RBL2: variants seen among roughly 807,000 people sequenced by gnomAD.
The protein encoded by RBL2 is RB transcriptional corepressor like 2, also known as retinoblastoma-like protein 2.
RBL2 carries 56 observed loss-of-function variants against 126.0 expected under a neutral mutation model. The ratio of observed to expected loss-of-function variants is 0.44; its 90% CI spans 0.36 to 0.56. The LOEUF (loss-of-function observed/expected upper bound fraction) is 0.56, where lower values mean the gene tolerates loss of function less well. Among genes scored for constraint, RBL2 ranks in the 20% least tolerant of loss-of-function variants. The pLI is 0.00. For synonymous variants in RBL2, 454 were observed against 478.5 expected (o/e 0.95, Z 0.67); for missense variants, 1,229 against 1,398.2 (o/e 0.88, Z 1.93).
intron 21 of RBL2, chr16:53,488,136 A>G (rs1961248194): frequency 6.6e-6 from 1 of 152,232 alleles, no homozygotes; most frequent in Non-Finnish European, 1.5e-5. Context: ...TAATTGCCAA[A>G]AAGTGGGAAA....
At position 53,434,479 on chromosome 16, in the gene RBL2, G is replaced by A; in HGVS notation, c.-78G>A. The A allele has an allele frequency of 1.5e-6, 2 of 1,303,980 alleles. No homozygotes were observed. The highest frequency in any genetic ancestry group is 4.2e-5 in the Admixed American group (1 of 24,072). 80.8% of individuals were successfully genotyped at this position (1,303,980 alleles called of 1,614,324 possible). ...GCAGGCGCGGTGCGGGCGGCGGACGGGCGGGCGCTTCGCCGTTTGAATGGC... is the reference window on the plus strand; with the variant it reads ...GCAGGCGCGGTGCGGGCGGCGGACGAGCGGGCGCTTCGCCGTTTGAATGGC... On this transcript the variant is annotated 5_prime_UTR_variant, in exon 1 of 22. Transcript: ENST00000262133.
intron 1 of RBL2, among the ~76,000 whole-genome samples, chr16:53,437,281 GAT>G (rs945452653): frequency 6.7e-6 from 1 of 149,848 alleles, no homozygotes; most frequent in Non-Finnish European, 1.5e-5. Context: ...ATCTCCCAGA[GAT>G]ATATGTGATA....
chr16:53,465,762 A>G (rs1174790707), intron 13 of RBL2, 160 bp downstream of exon 13: 1 of 516,452 alleles, frequency 1.9e-6, no homozygotes, highest in Non-Finnish European at 3.1e-6. Context: ...CTACCCACAA[A>G]TTGGGAAGGT....
intron 21 of RBL2, among the ~76,000 whole-genome samples, chr16:53,486,827 CAAAG>C (rs954375979): frequency 1.1e-4 from 16 of 152,064 alleles, no homozygotes; most frequent in African/African-American, 3.9e-4. Flanking sequence ...AGGAAAATCA[CAAAG>C]AATCCACAAA....
chr16:53,482,997 T>C (rs1177219155), intron 21 of RBL2, among the ~76,000 whole-genome samples: 2 of 152,136 alleles, frequency 1.3e-5, no homozygotes, highest in Admixed American at 1.3e-4. Context: ...AAAGGACATT[T>C]TGAGGAAAAT....
chr16:53,440,871 A>G (rs2058008066), intron 2 of RBL2, among the ~76,000 whole-genome samples: 2 of 150,022 alleles, frequency 1.3e-5, no homozygotes, highest in Admixed American at 6.7e-5. Context: ...TATTCTTATC[A>G]TTGGGAAAAT....
rs1438449525 is a variant in RBL2 at position 53,439,921 on chromosome 16, T to C, written c.371+775T>C. Among the ~76,000 whole-genome samples the C allele has an allele frequency of 3.8e-5, 5 of 129,966 alleles. No homozygotes were observed. The East Asian group carries it at 1.2e-3, about 30-fold the overall frequency. 85.3% of individuals were successfully genotyped at this position (129,966 alleles called of 152,430 possible). A position where few individuals can be genotyped will look rare whatever the true frequency, so the allele number is the denominator to read the frequency against. ...CCTGAATGATGGAGCAGCACTGCAC[T>C]CCAGCCTGGGCCACAGAGCAAGACC... is the stretch of plus-strand genomic sequence containing the variant. On this transcript the variant is annotated intron_variant, in intron 2 of 21. Transcript: ENST00000262133.
intron 21 of RBL2, among the ~76,000 whole-genome samples, chr16:53,483,683 G>C (rs1229775973): frequency 6.6e-6 from 1 of 152,158 alleles, no homozygotes; most frequent in African/African-American, 2.4e-5. Context: ...CTGAGGTCAG[G>C]AGTTCAAGAT....
chr16:53,460,223 G>A (rs1423376196), intron 9 of RBL2, among the ~76,000 whole-genome samples: 1 of 152,114 alleles, frequency 6.6e-6, no homozygotes, highest in Admixed American at 6.5e-5. Context: ...TTGGCAAGTT[G>A]ATTTGAAAAG....
In RBL2 at chr16:53,454,661, C is replaced by T; in HGVS notation, c.998C>T (p.Ala333Val). ...EPGNFGESFK[A>V]INKAYEEYVL... Reference sequence around the variant, plus strand: ...TGTATTTGTTTTTCCTATAGTAAAGCCATCAATAAGGCCTATGAGGAGTAT... The same window carrying T: ...TGTATTTGTTTTTCCTATAGTAAAGTCATCAATAAGGCCTATGAGGAGTAT... The change falls in exon 8 of 22, where the codon GCC becomes GTC. Residue 333 changes from alanine (A) to valine (V), a missense_variant. Ala to Val is a moderately conservative substitution (Grantham distance 64). Transcript: ENST00000262133. The T allele has an allele frequency of 6.2e-7, 1 of 1,606,496 alleles. No individual in the cohort carries two copies. Among genetic ancestry groups the T allele is most frequent in the Non-Finnish European group, 8.5e-7 (1 of 1,174,884 alleles).
intron 5 of RBL2, among the ~76,000 whole-genome samples, chr16:53,452,815 C>A (rs1175751434): frequency 6.6e-6 from 1 of 151,974 alleles, no homozygotes; most frequent in African/African-American, 2.4e-5. Context: ...TACAGACATA[C>A]ACCACCACAC....
At chr16:53,469,223 C>T (rs375353996) in intron 14 of RBL2, among the ~76,000 whole-genome samples, 38 of 152,206 alleles carry the variant, frequency 2.5e-4, no homozygotes, top group African/African-American at 8.9e-4. Flanking sequence ...GAGTAAGACT[C>T]TGTCTCAAAA....
intron 21 of RBL2, chr16:53,489,102 G>T (rs1785274872): frequency 6.6e-6 from 1 of 150,946 alleles, no homozygotes; most frequent in South Asian, 2.1e-4. Flanking sequence ...AGGTACATCT[G>T]TTGATAATAA....
intron 19 of RBL2, 80 bp downstream of exon 19, chr16:53,480,071 T>C: frequency 1.1e-6 from 1 of 888,622 alleles, no homozygotes. Context: ...TAACTAAGCA[T>C]TACTAAATGA....
intron 17 of RBL2, 77 bp downstream of exon 17, chr16:53,470,999 TAC>T (rs2058318302): frequency 7.2e-7 from 1 of 1,392,206 alleles, no homozygotes; most frequent in Non-Finnish European, 9.8e-7. Context: ...TGTCTTGAGA[TAC>T]AGTTTACATG....
chr16:53,435,223 T>G (rs1167469243), intron 1 of RBL2, among the ~76,000 whole-genome samples: 3 of 152,122 alleles, frequency 2.0e-5, no homozygotes, highest in African/African-American at 7.2e-5. Flanking sequence ...GGCGTCTCCG[T>G]CTGTTCGCTT....
At chr16:53,438,988 T>C in intron 1 of RBL2, 28 bp from the exon 2 acceptor site, 1 of 1,474,082 alleles carries the variant, frequency 6.8e-7, no homozygotes, top group Non-Finnish European at 9.1e-7. Context: ...GCTTTTTAAC[T>C]AAAAATCAAT....
At chr16:53,473,508 CT>C (rs1200275016) in intron 17 of RBL2, among the ~76,000 whole-genome samples, 1 of 150,596 alleles carries the variant, frequency 6.6e-6, no homozygotes, top group Non-Finnish European at 1.5e-5. Flanking sequence ...GTATATTGAT[CT>C]AGTATCCAGC....
Position 53,481,714 on chromosome 16 carries a change from G to A in RBL2, c.3128G>A (p.Gly1043Asp). 6.2e-7 allele frequency: 1 copy of A among 1,611,350 alleles called. No individual in the cohort carries two copies. The highest frequency in any genetic ancestry group is 8.5e-7 in the Non-Finnish European group (1 of 1,178,088). The change falls in exon 21 of 22, where the codon GGC becomes GAC. Residue 1043 changes from glycine (G) to aspartate (D), a missense_variant. Transcript: ENST00000262133. The part of the protein sequence containing the change: ...PLSPYPFVRT[G>D]SPRRIQLSQN... ...TCTCCCTATCCATTTGTAAGAACAG[G>A]CTCCCCTCGCCGAATACAGTTGTCT... is the stretch of plus-strand genomic sequence containing the variant.
Sources: gnomAD v4.1 joint callset for allele counts (sites outside exome capture counted in the v4.1 genomes callset) on GRCh38, gnomAD v4.1.1 for gene constraint, MANE v1.5 for transcripts, NCBI Gene and HGNC (gene_info 2026-07-23, HGNC 2026-07-21) for gene names.